MAP7D2: variants seen among roughly 807,000 people sequenced by gnomAD.
MAP7D2 encodes the protein MAP7 domain-containing protein 2.
In MAP7D2, 33 loss-of-function variants were observed where a neutral mutation model predicts 63.5. The observed-to-expected ratio is 0.52, with a 90% CI of 0.39 to 0.70. The LOEUF is 0.70. MAP7D2 is among the 30% of genes least tolerant of loss of function. MAP7D2 has a pLI of 0.00. For synonymous variants in MAP7D2, 224 were observed against 223.7 expected (o/e 1.00, Z -0.01); for missense variants, 626 against 604.0 (o/e 1.04, Z -0.38).
At chrX:20,063,279 G>T in intron 3 of MAP7D2, 135 bp downstream of exon 3, 1 of 601,517 alleles carries the variant, frequency 1.7e-6, no homozygotes, top group Non-Finnish European at 2.5e-6. Flanking sequence ...GTTGCTGAAA[G>T]AAGGCATGGG....
At chrX:20,069,920 T>C (rs1487884486) in intron 1 of MAP7D2, among the ~76,000 whole-genome samples, 1 of 110,263 alleles carries the variant, frequency 9.1e-6, no homozygotes, top group Non-Finnish European at 1.9e-5. Flanking sequence ...ACTACAGGCA[T>C]GTGTCACCAT....
At chrX:20,058,968 G>T (rs1284391564) in intron 3 of MAP7D2, among the ~76,000 whole-genome samples, 1 of 111,778 alleles carries the variant, frequency 8.9e-6, no homozygotes, top group Non-Finnish European at 1.9e-5. Context: ...GAATCAGGAG[G>T]TAAGGATTCA....
intron 1 of MAP7D2, among the ~76,000 whole-genome samples, chrX:20,084,191 A>G (rs1603395994): frequency 1.2e-5 from 1 of 80,599 alleles, no homozygotes; most frequent in Admixed American, 1.2e-4. Context: ...ACAGAGCAAG[A>G]CTCACAAAAA....
At chrX:20,089,149 T>A (rs2065999942) in intron 1 of MAP7D2, among the ~76,000 whole-genome samples, 1 of 112,218 alleles carries the variant, frequency 8.9e-6, no homozygotes, top group African/African-American at 3.2e-5. Context: ...AATTTTTATA[T>A]ATGATGCAAG....
chrX:20,111,641 G>A (rs2066746470), intron 1 of MAP7D2, among the ~76,000 whole-genome samples: 1 of 111,524 alleles, frequency 9.0e-6, no homozygotes, highest in Non-Finnish European at 1.9e-5. Context: ...TTCTTTGTGG[G>A]GTGGTGAACA....
At position 20,116,751 on chromosome X, in the gene MAP7D2, T is replaced by C. The variant is rs1423322803; in HGVS notation, c.129A>G (p.Gln43=). 6.8e-6 allele frequency: 8 copies of C among 1,175,778 alleles called. No homozygotes were observed. The highest frequency in any genetic ancestry group is 9.1e-6 in the Non-Finnish European group (8 of 878,697). The change falls in exon 1 of 17, where the codon CAA becomes CAG. Residue 43 remains glutamine, a splice_region_variant and synonymous_variant. Coordinates refer to ENST00000379643, the MANE Select transcript of MAP7D2 (RefSeq NM_001168465.2). Reference sequence around the variant, plus strand: ...CCCGCCACACTCTGGGGATAATACCTTGAGGCCGGTAGTTGGGCTGAGAGG... The same window carrying C: ...CCCGCCACACTCTGGGGATAATACCCTGAGGCCGGTAGTTGGGCTGAGAGG... ...VRTSQPNYRP[Q]GMEGFLKSDE...
intron 8 of MAP7D2, among the ~76,000 whole-genome samples, chrX:20,030,000 C>G (rs1282046269): frequency 8.9e-6 from 1 of 112,075 alleles, no homozygotes; most frequent in African/African-American, 3.2e-5. Flanking sequence ...CTGCACGGCT[C>G]TCTGGCCAGC....
intron 5 of MAP7D2, among the ~76,000 whole-genome samples, chrX:20,051,600 C>T (rs2064953950): frequency 9.1e-6 from 1 of 110,119 alleles, no homozygotes; most frequent in African/African-American, 3.3e-5. Flanking sequence ...AAAACCTTTA[C>T]TCCAAGTAGA....
At chrX:20,021,756 G>C (rs905482543) in intron 10 of MAP7D2, among the ~76,000 whole-genome samples, 1 of 111,752 alleles carries the variant, frequency 8.9e-6, no homozygotes, top group Non-Finnish European at 1.9e-5. Flanking sequence ...ATTCTCCTAA[G>C]ACCTTAGAAT....
rs773205577 is a variant in MAP7D2 at position 20,012,438 on chromosome X, T to C, written c.1983A>G (p.Pro661=). ...CATCCAGATGAATGAGTCCCCCAGC[T>C]GGCTTAAGCCCATTAGAGAAAATGT... The part of the protein sequence containing the change: ...PQDIFSNGLK[P]AGGLIHLDAL... Residue 661 remains proline, a synonymous_variant, in exon 15 of 17, where the codon CCA becomes CCG. Transcript: ENST00000379643. 4 of 1,208,027 alleles carry C rather than the reference T, an allele frequency of 3.3e-6. No individual in the cohort carries two copies. The highest frequency in any genetic ancestry group is 4.5e-6 in the Non-Finnish European group (4 of 893,766).
rs1209822185 is a variant in MAP7D2 at position 20,111,135 on chromosome X, A to G, written c.130+5615T>C. Among the ~76,000 whole-genome samples the G allele has an allele frequency of 3.6e-5, 4 of 111,663 alleles. No individual in the cohort carries two copies. The East Asian group carries it at 1.1e-3, about 31-fold the overall frequency. Reference sequence around the variant, plus strand: ...GACCATCTTGGACATTTCGAGCCCAACTGAGCTCCCAGCAGACCAGCAGAC... The same window carrying G: ...GACCATCTTGGACATTTCGAGCCCAGCTGAGCTCCCAGCAGACCAGCAGAC... On this transcript the variant is annotated intron_variant, in intron 1 of 16. Coordinates refer to ENST00000379643, the MANE Select transcript of MAP7D2 (RefSeq NM_001168465.2).
At position 20,077,523 on chromosome X, in the gene MAP7D2, A is replaced by G. The variant is rs111541549; in HGVS notation, c.131-12718T>C. Among the ~76,000 whole-genome samples, 983 of 112,497 alleles carry G rather than the reference A, an allele frequency of 8.7e-3. 12 individuals are homozygous for G. Among genetic ancestry groups the G allele is most frequent in the African/African-American group, 0.03 (939 of 30,986 alleles). On this transcript the variant is annotated intron_variant, in intron 1 of 16. Coordinates refer to ENST00000379643, the MANE Select transcript of MAP7D2 (RefSeq NM_001168465.2). ...GGACCTGCTCTAAGCTTCCTCTTCTATAAAATGGAGATAAGAGTAGAACCT... is the reference window on the plus strand; with the variant it reads ...GGACCTGCTCTAAGCTTCCTCTTCTGTAAAATGGAGATAAGAGTAGAACCT...
At chrX:20,095,107 C>T (rs778542229) in intron 1 of MAP7D2, among the ~76,000 whole-genome samples, 1 of 110,162 alleles carries the variant, frequency 9.1e-6, no homozygotes, top group Non-Finnish European at 1.9e-5. Flanking sequence ...TGGAGATGAT[C>T]GCATGACCTC....
intron 14 of MAP7D2, 103 bp from the exon 15 acceptor site, chrX:20,012,638 A>T: frequency 3.1e-6 from 2 of 651,061 alleles, no homozygotes; most frequent in Non-Finnish European, 4.6e-6. Context: ...TGCTTCACTG[A>T]TACTGCAGCA....
intron 10 of MAP7D2, among the ~76,000 whole-genome samples, chrX:20,023,690 A>C (rs1250037196): frequency 9.0e-6 from 1 of 111,536 alleles, no homozygotes; most frequent in Non-Finnish European, 1.9e-5. Flanking sequence ...CGATCATGTT[A>C]CTCACCAGCT....
At chrX:20,055,551 G>A (rs2065049128) in intron 4 of MAP7D2, among the ~76,000 whole-genome samples, 1 of 111,762 alleles carries the variant, frequency 8.9e-6, no homozygotes. Context: ...GGCATGCACC[G>A]CTCTATAATG....
chrX:20,027,173 T>C (rs2073875446), intron 8 of MAP7D2, among the ~76,000 whole-genome samples: 1 of 111,815 alleles, frequency 8.9e-6, no homozygotes, highest in African/African-American at 3.3e-5. Context: ...CTCATGCCAT[T>C]AGGCCTGGAG....
At chrX:20,069,099 C>T (rs2065432844) in intron 1 of MAP7D2, among the ~76,000 whole-genome samples, 1 of 112,023 alleles carries the variant, frequency 8.9e-6, no homozygotes, top group African/African-American at 3.2e-5. Flanking sequence ...GTGCTGAATT[C>T]AGTTCCAAAA....
At chrX:20,069,500 T>C (rs1275755506) in intron 1 of MAP7D2, among the ~76,000 whole-genome samples, 1 of 110,647 alleles carries the variant, frequency 9.0e-6, no homozygotes, top group Admixed American at 9.6e-5. Flanking sequence ...TGAGCCACAG[T>C]CTATGGCCAT....
Sources: gnomAD v4.1 joint callset for allele counts (sites outside exome capture counted in the v4.1 genomes callset) on GRCh38, gnomAD v4.1.1 for gene constraint, MANE v1.5 for transcripts, NCBI Gene and HGNC (gene_info 2026-07-23, HGNC 2026-07-21) for gene names.